Variants in DAZAP1 observed in about 807,000 individuals in gnomAD.
The protein encoded by DAZAP1 is DAZ associated protein 1.
In DAZAP1, 6 loss-of-function variants were observed where a neutral mutation model predicts 60.1. The ratio of observed to expected loss-of-function variants is 0.10; its 90% confidence interval spans 0.05 to 0.20. DAZAP1 has a LOEUF of 0.20. DAZAP1 is among the 10% of genes least tolerant of loss of function. DAZAP1 has a pLI of 1.00. For synonymous variants in DAZAP1, 235 were observed against 215.9 expected (o/e 1.09, Z -0.78); for missense variants, 366 against 560.4 (o/e 0.65, Z 3.50).
In DAZAP1 at chr19:1,432,702, C is replaced by T. The variant is rs199782202; in HGVS notation, c.1048+12C>T. On this transcript the variant is annotated intron_variant, in intron 11 of 11. Coordinates refer to ENST00000233078, the MANE Select transcript of DAZAP1 (RefSeq NM_018959.4). This position sits in a 1 kb window ranked among gnomAD's most constrained non-coding sequence, Gnocchi z 4.9. ...CTATGGTCAGTATGGTAAGTGGTCTCCTGCCATGCCGCGTCCCCGCTGGCC... is the reference window on the plus strand; with the variant it reads ...CTATGGTCAGTATGGTAAGTGGTCTTCTGCCATGCCGCGTCCCCGCTGGCC... 1.3e-5 allele frequency: 20 copies of T among 1,579,936 alleles called. No individual in the cohort carries two copies. The highest frequency in any genetic ancestry group is 3.4e-6 in the Non-Finnish European group (4 of 1,160,406).
At chr19:1,414,916 ACT>A (rs889177172) in intron 1 of DAZAP1, among the ~76,000 whole-genome samples, 2 of 151,208 alleles carry the variant, frequency 1.3e-5, no homozygotes, top group African/African-American at 4.9e-5. Context: ...CTCGACCTTG[ACT>A]CAAACGATCC....
At chr19:1,431,001 G>A (rs1421691279) in intron 10 of DAZAP1, among the ~76,000 whole-genome samples, 1 of 151,994 alleles carries the variant, frequency 6.6e-6, no homozygotes, top group African/African-American at 2.4e-5. Flanking sequence ...GATTACAGGC[G>A]TGAGTGACTG....
At chr19:1,417,299 T>C (rs2083015207) in intron 1 of DAZAP1, 1 of 638,862 alleles carries the variant, frequency 1.6e-6, no homozygotes, top group Middle Eastern at 4.2e-4. Context: ...ATGGCAAGGA[T>C]TGGGATCATC....
Position 1,434,650 on chromosome 19 carries a change from C to CG in DAZAP1, c.1049-85dup, listed in dbSNP as rs1348020420. The CG allele has an allele frequency of 2.1e-6, 3 of 1,448,692 alleles. No individual in the cohort carries two copies. The highest frequency in any genetic ancestry group is 2.9e-6 in the Non-Finnish European group (3 of 1,050,482). 89.7% of individuals were successfully genotyped at this position (1,448,692 alleles called of 1,614,324 possible). A position where few individuals can be genotyped will look rare whatever the true frequency, so the allele number is the denominator to read the frequency against. ...GGGACCCGTGGACTCAAGGCAGGCT[C>CG]GGCGGAGCTGTGTCCAGGTGGCCTC... On this transcript the variant is annotated intron_variant, in intron 11 of 11. Coordinates refer to ENST00000233078, the MANE Select transcript of DAZAP1 (RefSeq NM_018959.4). The surrounding 1 kb of genome is among the most constrained non-coding windows in gnomAD (Gnocchi z 8.0).
chr19:1,415,034 T>G (rs1446820376), intron 1 of DAZAP1, among the ~76,000 whole-genome samples: 1 of 152,084 alleles, frequency 6.6e-6, no homozygotes, highest in Non-Finnish European at 1.5e-5. Context: ...CCCGTAATGC[T>G]GTGATTATAG....
chr19:1,424,017 A>G (rs958529868), intron 6 of DAZAP1, among the ~76,000 whole-genome samples: 3 of 152,172 alleles, frequency 2.0e-5, no homozygotes, highest in African/African-American at 7.2e-5. Flanking sequence ...GGGTCCTCCC[A>G]GAGAGTGTGT....
At chr19:1,424,721 C>T (rs1466568145) in intron 6 of DAZAP1, among the ~76,000 whole-genome samples, 1 of 152,200 alleles carries the variant, frequency 6.6e-6, no homozygotes, top group African/African-American at 2.4e-5. Context: ...TTGTCACGCA[C>T]CCTGTGCCTC....
In DAZAP1 at chr19:1,417,722, T is replaced by A. The variant is rs114315082; in HGVS notation, c.70+182T>A. ...TTGCTCTGAGACTGTTAATTTGGTA[T>A]TTCCATCCCAAGTTACAGGGAAGAC... On this transcript the variant is annotated intron_variant, in intron 2 of 11. Transcript: ENST00000233078. 9.1e-4 allele frequency among the ~76,000 whole-genome samples: 138 copies of A among 152,330 alleles called. 1 individual carries two copies. Among genetic ancestry groups the A allele is most frequent in the African/African-American group, 3.3e-3 (137 of 41,568 alleles).
rs2083515724 is a variant in DAZAP1 at position 1,433,679 on chromosome 19, C to T, written c.1048+989C>T. On this transcript the variant is annotated intron_variant, in intron 11 of 11. Coordinates refer to ENST00000233078, the MANE Select transcript of DAZAP1 (RefSeq NM_018959.4). The surrounding 1 kb of genome is among the most constrained non-coding windows in gnomAD (Gnocchi z 6.1). ...CGCCCGGTTGGGGCGTGGCGTGTGT[C>T]AGCCGCTGCTCTTGGTGGCGGCTGC... The T allele has an allele frequency of 2.8e-6, 4 of 1,427,484 alleles. No individual in the cohort carries two copies. Among genetic ancestry groups the T allele is most frequent in the Non-Finnish European group, 3.9e-6 (4 of 1,014,438 alleles). 88.4% of individuals were successfully genotyped at this position (1,427,484 alleles called of 1,614,324 possible). A position where few individuals can be genotyped will look rare whatever the true frequency, so the allele number is the denominator to read the frequency against.
chr19:1,428,434 A>T lies in DAZAP1; in HGVS notation c.547-408A>T, dbSNP rs555555714. 5.7e-6 allele frequency: 1 copy of T among 175,228 alleles called. No homozygotes were observed. The highest frequency in any genetic ancestry group is 1.8e-4 in the East Asian group (1 of 5,580). 10.9% of individuals were successfully genotyped at this position (175,228 alleles called of 1,614,324 possible). Reference sequence around the variant, plus strand: ...CAGGTGGGCGGGCTCCAAGCAGTCCAGAGGGCGATGAGGATGCCGATTGCT... The same window carrying T: ...CAGGTGGGCGGGCTCCAAGCAGTCCTGAGGGCGATGAGGATGCCGATTGCT... On this transcript the variant is annotated intron_variant, in intron 7 of 11. Coordinates refer to ENST00000233078, the MANE Select transcript of DAZAP1 (RefSeq NM_018959.4). The surrounding 1 kb of genome is among the most constrained non-coding windows in gnomAD (Gnocchi z 4.0).
intron 7 of DAZAP1, chr19:1,427,593 T>C (rs2083338576): frequency 6.6e-6 from 1 of 152,300 alleles, no homozygotes; most frequent in Admixed American, 6.5e-5. Flanking sequence ...TTTTTGTTTT[T>C]GTTTTTTTAA....
chr19:1,408,523 C>T (rs1184017732), intron 1 of DAZAP1, among the ~76,000 whole-genome samples: 2 of 152,242 alleles, frequency 1.3e-5, no homozygotes, highest in African/African-American at 4.8e-5. Flanking sequence ...CTCCGGGCTC[C>T]CCGCTCCCAT....
Position 1,422,612 on chromosome 19 carries a change from C to G in DAZAP1, c.463+216C>G, listed in dbSNP as rs1327251051. On this transcript the variant is annotated intron_variant, in intron 6 of 11. Transcript: ENST00000233078. The surrounding 1 kb of genome is among the most constrained non-coding windows in gnomAD (Gnocchi z 4.5). ...TCAGACGTCACACATTGTTTTTTGG[C>G]TTGTTCTTTTGAAGTTTTTACGACT... 2.0e-5 allele frequency among the ~76,000 whole-genome samples: 3 copies of G among 152,168 alleles called. No homozygotes were observed. The highest frequency in any genetic ancestry group is 6.5e-5 in the Admixed American group (1 of 15,278).
chr19:1,409,224 G>A (rs886743098), intron 1 of DAZAP1, among the ~76,000 whole-genome samples: 1 of 152,222 alleles, frequency 6.6e-6, no homozygotes, highest in Non-Finnish European at 1.5e-5. Context: ...GCCTGAGCAG[G>A]GAGTCCACCG....
chr19:1,435,012 GGGGGGGGGGGC>G lies in DAZAP1; in HGVS notation c.*107_*117del. 6.1e-6 allele frequency: 1 copy of G among 163,398 alleles called. No individual in the cohort carries two copies. Among genetic ancestry groups the G allele is most frequent in the Non-Finnish European group, 1.2e-5 (1 of 85,308 alleles). The allele number at this position is 163,398 out of a possible 1,614,324, so 10.1% of individuals were successfully genotyped here. Reference sequence around the variant, plus strand: ...GGCGGCAAAGTGGCGACTCAACCTTGGGGGGGGGGGCGGGGGGAGGGCGCGAGGCTTTTGGA... The same window carrying G: ...GGCGGCAAAGTGGCGACTCAACCTTGGGGGGGAGGGCGCGAGGCTTTTGGA... On this transcript the variant is annotated 3_prime_UTR_variant, in exon 12 of 12. Coordinates refer to ENST00000233078, the MANE Select transcript of DAZAP1 (RefSeq NM_018959.4).
At chr19:1,412,109 A>G (rs1006899069) in intron 1 of DAZAP1, among the ~76,000 whole-genome samples, 8 of 152,144 alleles carry the variant, frequency 5.3e-5, no homozygotes, top group Non-Finnish European at 1.2e-4. Flanking sequence ...GTTAGCACCC[A>G]GGATGTGGGC....
At position 1,423,858 on chromosome 19, in the gene DAZAP1, G is replaced by A. The variant is rs56340710; in HGVS notation, c.463+1462G>A. Reference sequence around the variant, plus strand: ...GTCCTGTCCTGTCCCGTGTGGACGGGACGTGGCGAGTGTCGCTGAGTCCAC... The same window carrying A: ...GTCCTGTCCTGTCCCGTGTGGACGGAACGTGGCGAGTGTCGCTGAGTCCAC... On this transcript the variant is annotated intron_variant, in intron 6 of 11. Coordinates refer to ENST00000233078, the MANE Select transcript of DAZAP1 (RefSeq NM_018959.4). This position sits in a 1 kb window ranked among gnomAD's most constrained non-coding sequence, Gnocchi z 6.8. Among the ~76,000 whole-genome samples, 593 of 152,320 alleles carry A rather than the reference G, an allele frequency of 3.9e-3. 2 individuals carry two copies. Among genetic ancestry groups the A allele is most frequent in the African/African-American group, 0.014 (567 of 41,570 alleles).
rs2083473472 is a variant in DAZAP1, at chr19:1,432,348, G to T, written c.872-166G>T. 3 of 723,152 alleles carry T rather than the reference G, an allele frequency of 4.1e-6. No homozygotes were observed. In the South Asian group the frequency reaches 4.9e-5, roughly 12 times the overall value. The allele number at this position is 723,152 out of a possible 1,614,324, so 44.8% of individuals were successfully genotyped here. On this transcript the variant is annotated intron_variant, in intron 10 of 11. Coordinates refer to ENST00000233078, the MANE Select transcript of DAZAP1 (RefSeq NM_018959.4). The surrounding 1 kb of genome is among the most constrained non-coding windows in gnomAD (Gnocchi z 4.9). ...TTCCTGGGGGGAGCGGCCCGGGACC[G>T]TGGCTCTGTGGTCCATTCTGTGGAT...
chr19:1,432,606 G>A lies in DAZAP1; in HGVS notation c.964G>A (p.Ala322Thr). ...AGCCACTCCCGGGGCAGCACCTCTG[G>A]CTTTCCCACCGCCTCCGTCTCAGGC... ...PPATPGAAPLAFPPPPSQAAP... is the reference protein window; with the variant it reads ...PPATPGAAPLTFPPPPSQAAP... The change falls in exon 11 of 12, where the codon GCT (alanine) becomes ACT (threonine). Residue 322 changes from alanine (A) to threonine (T), a missense_variant. Ala to Thr is a moderately conservative substitution (Grantham distance 58, BLOSUM62 0). This residue lies in a region of DAZAP1 where 240 missense variants were observed against 308.8 expected (regional missense o/e 0.78). Transcript: ENST00000233078. The surrounding 1 kb of genome is among the most constrained non-coding windows in gnomAD (Gnocchi z 4.9). 1 of 1,613,672 alleles carries A rather than the reference G, an allele frequency of 6.2e-7. No homozygotes were observed.
Sources: gnomAD v4.1 joint callset for allele counts (sites outside exome capture counted in the v4.1 genomes callset) on GRCh38, gnomAD v4.1.1 for gene constraint, gnomAD v4.1.1 regional missense constraint, Gnocchi (gnomAD v3.1) non-coding constraint, MANE v1.5 for transcripts, NCBI Gene and HGNC (gene_info 2026-07-23, HGNC 2026-07-21) for gene names.